Variants in TMPO observed in about 807,000 individuals in gnomAD.
The protein encoded by TMPO is LEM domain containing 4.
In TMPO, 22 loss-of-function variants were observed where a neutral mutation model predicts 45.4. The ratio of observed to expected loss-of-function variants is 0.48; its 90% CI spans 0.35 to 0.69. TMPO has a LOEUF of 0.69. TMPO is among the 30% of genes least tolerant of loss of function. The pLI, the probability that TMPO is intolerant of heterozygous loss-of-function variation, is 0.01. For missense variants in TMPO, 512 were observed against 548.8 expected (o/e 0.93, Z 0.67); for synonymous variants, 241 against 204.1 (o/e 1.18, Z -1.54).
At chr12:98,519,873 T>C (rs997634126) in intron 1 of TMPO, among the ~76,000 whole-genome samples, 14 of 152,350 alleles carry the variant, frequency 9.2e-5, no homozygotes, top group African/African-American at 3.4e-4. Flanking sequence ...ATTCCTCTTA[T>C]ATGTACTATA....
At chr12:98,544,384 T>A (rs370619554) in intron 5 of TMPO, 35 bp downstream of exon 5, 1 of 1,613,642 alleles carries the variant, frequency 6.2e-7, no homozygotes, top group African/African-American at 1.3e-5. Context: ...TTTTCAGATT[T>A]GTAGGGTTTT....
chr12:98,515,595 A>C lies in TMPO; in HGVS notation c.-273A>C, dbSNP rs1189097088. The C allele has an allele frequency of 3.8e-6, 2 of 526,180 alleles. No homozygotes were observed. Among genetic ancestry groups the C allele is most frequent in the African/African-American group, 4.0e-5 (2 of 50,420 alleles). 32.6% of individuals were successfully genotyped at this position (526,180 alleles called of 1,614,324 possible). A position where few individuals can be genotyped will look rare whatever the true frequency, so the allele number is the denominator to read the frequency against. ...CGCGTTCTTGGGGCGTGGGCGAAGC[A>C]GGCTGCTCGCCTCCTGCCTGTAGTG... On this transcript the variant is annotated 5_prime_UTR_variant, in exon 1 of 9. Coordinates refer to ENST00000556029, the MANE Select transcript of TMPO (RefSeq NM_001032283.3).
At chr12:98,543,932 C>T (rs1878069203) in intron 4 of TMPO, among the ~76,000 whole-genome samples, 1 of 152,178 alleles carries the variant, frequency 6.6e-6, no homozygotes, top group Non-Finnish European at 1.5e-5. Flanking sequence ...CCAAATAGCA[C>T]ACAGTGAGTC....
At chr12:98,540,867 G>A (rs539371436) in intron 4 of TMPO, among the ~76,000 whole-genome samples, 27 of 152,262 alleles carry the variant, frequency 1.8e-4, no homozygotes, top group Admixed American at 1.7e-3. Flanking sequence ...TCTTTCTGGC[G>A]ATGCTAAAAT....
chr12:98,516,169 A>G (rs1875785122), intron 1 of TMPO, 23 bp downstream of exon 1: 4 of 1,348,084 alleles, frequency 3.0e-6, no homozygotes, highest in Non-Finnish European at 3.8e-6. Context: ...GGCCGGGGCT[A>G]CAAAGGCGGG....
chr12:98,533,047 A>G, intron 3 of TMPO: 1 of 1,613,710 alleles, frequency 6.2e-7, no homozygotes, highest in Non-Finnish European at 8.5e-7. Context: ...CTTGCCTGGC[A>G]GGGGACAGTT....
chr12:98,537,398 T>A, intron 3 of TMPO, 77 bp from the exon 4 acceptor site: 1 of 1,243,252 alleles, frequency 8.0e-7, no homozygotes, highest in Non-Finnish European at 1.2e-6. Context: ...AAACCAGGGT[T>A]CCCGATTAAT....
intron 4 of TMPO, among the ~76,000 whole-genome samples, chr12:98,542,171 A>G (rs1877952954): frequency 1.3e-5 from 2 of 152,184 alleles, no homozygotes; most frequent in African/African-American, 4.8e-5. Context: ...TAAAATTGCT[A>G]GGTAATTTCA....
Position 98,515,840 on chromosome 12 carries a change from T to C in TMPO, c.-28T>C, listed in dbSNP as rs943154064. 6.2e-7 allele frequency: 1 copy of C among 1,600,356 alleles called. No individual in the cohort carries two copies. Among genetic ancestry groups the C allele is most frequent in the Admixed American group, 1.7e-5 (1 of 58,296 alleles). ...GCGTGAGCGGCGGCGGCAAAGGCTG[T>C]GGGGAGGGGGCTTCGCAGATCCCCG... On this transcript the variant is annotated 5_prime_UTR_variant, in exon 1 of 9. Coordinates refer to ENST00000556029, the MANE Select transcript of TMPO (RefSeq NM_001032283.3).
chr12:98,526,909 G>T (rs925957852), intron 1 of TMPO, among the ~76,000 whole-genome samples: 4 of 151,828 alleles, frequency 2.6e-5, no homozygotes, highest in African/African-American at 9.7e-5. Flanking sequence ...AGTGAGCCAA[G>T]ATTGCACCGC....
intron 3 of TMPO, among the ~76,000 whole-genome samples, chr12:98,536,798 A>G (rs1877599788): frequency 1.3e-5 from 2 of 152,244 alleles, no homozygotes; most frequent in Admixed American, 1.3e-4. Flanking sequence ...ACAAGTGTAT[A>G]AGTATTGGCT....
intron 3 of TMPO, chr12:98,535,260 C>T (rs1877499043): frequency 1.0e-6 from 1 of 982,260 alleles, no homozygotes; most frequent in Non-Finnish European, 1.2e-6. Flanking sequence ...GCAATATAGA[C>T]TCTAAAAGCA....
intron 3 of TMPO, chr12:98,533,628 GTCT>G (rs1227521672): frequency 6.2e-7 from 1 of 1,614,188 alleles, no homozygotes; most frequent in Admixed American, 1.7e-5. Flanking sequence ...CCGAACTGAT[GTCT>G]TCTTTTGCCA....
Position 98,533,749 on chromosome 12 carries a change from A to G in TMPO, c.565+1911A>G, listed in dbSNP as rs754188509. On this transcript the variant is annotated intron_variant, in intron 3 of 8. Coordinates refer to ENST00000556029, the MANE Select transcript of TMPO (RefSeq NM_001032283.3). ...ACTATCTTTTCCCTTCCATGAATCT[A>G]TTTTAAAAGTAATTGAAGAAGAATG... The G allele has an allele frequency of 1.2e-6, 2 of 1,614,200 alleles. No individual in the cohort carries two copies. Among genetic ancestry groups the G allele is most frequent in the Non-Finnish European group, 1.7e-6 (2 of 1,180,034 alleles).
At chr12:98,546,687 T>C (rs1280472905) in intron 8 of TMPO, among the ~76,000 whole-genome samples, 2 of 152,096 alleles carry the variant, frequency 1.3e-5, no homozygotes, top group Non-Finnish European at 2.9e-5. Flanking sequence ...CCACCGACTT[T>C]TAAATAAATA....
rs7133258 is a variant in TMPO at position 98,544,517 on chromosome 12, G to C, written c.859G>C (p.Ala287Pro). The C allele has an allele frequency of 0.01, 16,298 of 1,612,944 alleles. 141 individuals carry two copies. The highest frequency in any genetic ancestry group is 0.01 in the Non-Finnish European group (12,300 of 1,179,108). Residue 287 changes from alanine to proline, a missense_variant, in exon 6 of 9, where the codon GCT (alanine) becomes CCT (proline). Ala to Pro is a conservative substitution (Grantham distance 27). Coordinates refer to ENST00000556029, the MANE Select transcript of TMPO (RefSeq NM_001032283.3). The stretch of plus-strand genomic sequence containing the variant: ...TACTCCCATAGCTGAAACTATAATG[G>C]CTTCAAGCAACGAATCCTTAGTAAA... ...ESTPIAETIM[A>P]SSNESLVVNR...
At chr12:98,537,980 C>G (rs1202518491) in intron 4 of TMPO, among the ~76,000 whole-genome samples, 1 of 152,226 alleles carries the variant, frequency 6.6e-6, no homozygotes, top group Non-Finnish European at 1.5e-5. Flanking sequence ...TTCTGCGATT[C>G]TTTCCTAAAC....
rs531249192 is a variant in TMPO at position 98,529,054 on chromosome 12, AT to A, written c.406+1058del. ...TATTAAATTCCTAGCCTAGTACCCTATTTTTTTTTTTTTTTTGAGACGGGGT... is the reference window on the plus strand; with the variant it reads ...TATTAAATTCCTAGCCTAGTACCCTATTTTTTTTTTTTTTTGAGACGGGGT... On this transcript the variant is annotated intron_variant, in intron 2 of 8. Transcript: ENST00000556029. Among the ~76,000 whole-genome samples the A allele has an allele frequency of 4.3e-3, 596 of 139,920 alleles. 3 individuals are homozygous for A. Among genetic ancestry groups the A allele is most frequent in the African/African-American group, 0.01 (389 of 38,132 alleles). The allele number at this position is 139,920 out of a possible 152,430, so 91.8% of individuals were successfully genotyped here.
chr12:98,533,384 C>CA (rs1565811463), intron 3 of TMPO: 1 of 1,614,222 alleles, frequency 6.2e-7, no homozygotes, highest in South Asian at 1.1e-5. Context: ...CTTGCCCAGG[C>CA]AATCAGAGAT....
Sources: gnomAD v4.1 joint callset for allele counts (sites outside exome capture counted in the v4.1 genomes callset) on GRCh38, gnomAD v4.1.1 for gene constraint, MANE v1.5 for transcripts, NCBI Gene and HGNC (gene_info 2026-07-23, HGNC 2026-07-21) for gene names.